Variants in HSPA12A observed in about 807,000 individuals in gnomAD.
HSPA12A encodes the protein heat shock protein family A (Hsp70) member 12A, also known as heat shock 70 kDa protein 12A.
HSPA12A carries 28 observed loss-of-function variants against 69.2 expected under a neutral mutation model. The ratio of observed to expected loss-of-function variants is 0.40; its 90% CI spans 0.30 to 0.55. The LOEUF (loss-of-function observed/expected upper bound fraction) is 0.55. HSPA12A is among the 20% of genes least tolerant of loss of function. The probability of loss-of-function intolerance (pLI) is 0.38; values close to 1 mark genes in which losing one functional copy is unlikely to be tolerated. For synonymous variants in HSPA12A, 345 were observed against 370.5 expected, an observed-to-expected ratio of 0.93 and a Z score of 0.79; for missense variants, 686 against 900.7, an observed-to-expected ratio of 0.76 and a Z score of 3.05.
intron 2 of HSPA12A, among the ~76,000 whole-genome samples, chr10:116,822,208 A>T (rs1304345611): frequency 6.6e-6 from 1 of 152,182 alleles, no homozygotes; most frequent in African/African-American, 2.4e-5. Context: ...CTCCATTACC[A>T]GTGGAGGAAG....
intron 3 of HSPA12A, 103 bp from the exon 4 acceptor site, chr10:116,701,232 G>T: frequency 1.9e-6 from 2 of 1,056,410 alleles, no homozygotes; most frequent in Non-Finnish European, 2.8e-6. Flanking sequence ...CAGTAATGTG[G>T]GTGCCCAGAG....
intron 2 of HSPA12A, among the ~76,000 whole-genome samples, chr10:116,748,627 G>A (rs1387127607): frequency 6.6e-6 from 1 of 152,168 alleles, no homozygotes; most frequent in African/African-American, 2.4e-5. Flanking sequence ...ACATGGCTGG[G>A]GAGGCTTCAC....
chr10:116,687,305 G>A (rs1172476239), intron 6 of HSPA12A, among the ~76,000 whole-genome samples: 1 of 152,198 alleles, frequency 6.6e-6, no homozygotes, highest in African/African-American at 2.4e-5. Flanking sequence ...AAGGTGAAGA[G>A]GACCCCACTC....
chr10:116,735,401 G>A (rs559391048), intron 1 of HSPA12A, among the ~76,000 whole-genome samples: 132 of 152,332 alleles, frequency 8.7e-4, no homozygotes, highest in African/African-American at 3.0e-3. Context: ...TACAGCAGAC[G>A]TGATTTTATT....
At chr10:116,816,699 T>C (rs1389031720) in intron 2 of HSPA12A, among the ~76,000 whole-genome samples, 1 of 152,210 alleles carries the variant, frequency 6.6e-6, no homozygotes, top group African/African-American at 2.4e-5. Flanking sequence ...ATGATTTTTT[T>C]AAATGGGGTT....
chr10:116,797,798 G>T (rs541333749), intron 2 of HSPA12A, among the ~76,000 whole-genome samples: 5 of 152,204 alleles, frequency 3.3e-5, no homozygotes, highest in African/African-American at 1.2e-4. Context: ...ACTTGCATTT[G>T]GCAGTGCAAC....
chr10:116,688,735 T>C (rs1849649746), intron 6 of HSPA12A, among the ~76,000 whole-genome samples: 1 of 152,228 alleles, frequency 6.6e-6, no homozygotes, highest in Admixed American at 6.5e-5. Flanking sequence ...TGCGTCTCCA[T>C]GTTAGATGAG....
In HSPA12A at chr10:116,705,249, C is replaced by T; in HGVS notation, c.156G>A (p.Gln52=). 6.2e-7 allele frequency: 1 copy of T among 1,614,166 alleles called. No individual in the cohort carries two copies. The highest frequency in any genetic ancestry group is 8.5e-7 in the Non-Finnish European group (1 of 1,180,030). ...CGGCCACCACCACGAGAAATGACTGCTGTTCTGAGACGTTGGAGTCAGTGT... is the reference window on the plus strand; with the variant it reads ...CGGCCACCACCACGAGAAATGACTGTTGTTCTGAGACGTTGGAGTCAGTGT... ...VNDTDSNVSE[Q]QSFLVVVAVD... The change falls in exon 3 of 12, where the codon CAG becomes CAA. Residue 52 remains glutamine, a synonymous_variant. Coordinates refer to ENST00000369209, the MANE Select transcript of HSPA12A (RefSeq NM_025015.3).
intron 2 of HSPA12A, among the ~76,000 whole-genome samples, chr10:116,780,928 A>G (rs939105523): frequency 2.6e-5 from 4 of 152,208 alleles, no homozygotes; most frequent in African/African-American, 9.7e-5. Flanking sequence ...GAAAATAAGG[A>G]CATAAACTTT....
At chr10:116,690,633 G>A (rs181640489) in intron 6 of HSPA12A, among the ~76,000 whole-genome samples, 166 of 152,256 alleles carry the variant, frequency 1.1e-3, no homozygotes, top group African/African-American at 3.7e-3. Flanking sequence ...AAGAGCTGCA[G>A]GCCTTTTTCT....
intron 9 of HSPA12A, 95 bp from the exon 10 acceptor site, chr10:116,679,856 C>A: frequency 7.5e-7 from 1 of 1,336,304 alleles, no homozygotes; most frequent in East Asian, 2.3e-5. Context: ...CATCTCTGAG[C>A]CACTTAGCAA....
intron 1 of HSPA12A, among the ~76,000 whole-genome samples, chr10:116,729,990 C>T (rs541809360): frequency 1.3e-5 from 2 of 152,324 alleles, no homozygotes. Context: ...GAGGCCAAAG[C>T]AGGCCAACAT....
intron 2 of HSPA12A, among the ~76,000 whole-genome samples, chr10:116,758,599 C>T (rs1167892611): frequency 3.3e-5 from 5 of 152,056 alleles, no homozygotes; most frequent in Non-Finnish European, 7.4e-5. Flanking sequence ...CAGTTAGAAT[C>T]CCTGCCTGTG....
At chr10:116,737,183 G>A (rs544273556) in intron 1 of HSPA12A, among the ~76,000 whole-genome samples, 1 of 152,224 alleles carries the variant, frequency 6.6e-6, no homozygotes, top group Non-Finnish European at 1.5e-5. Context: ...GCACAGATTT[G>A]AACCCAGGCA....
chr10:116,839,209 A>C (rs1024720961), intron 1 of HSPA12A, among the ~76,000 whole-genome samples: 11 of 152,178 alleles, frequency 7.2e-5, no homozygotes, highest in Non-Finnish European at 8.8e-5. Context: ...AAAGAAACAG[A>C]TTTTACTATT....
intron 1 of HSPA12A, among the ~76,000 whole-genome samples, chr10:116,718,156 T>C (rs1300887930): frequency 6.6e-6 from 1 of 152,160 alleles, no homozygotes; most frequent in Non-Finnish European, 1.5e-5. Flanking sequence ...CCCAATTTCA[T>C]CATGAACAGC....
chr10:116,822,952 G>A (rs774416292), intron 2 of HSPA12A, among the ~76,000 whole-genome samples: 3 of 152,188 alleles, frequency 2.0e-5, no homozygotes, highest in Non-Finnish European at 2.9e-5. Flanking sequence ...AGCAGCAGAC[G>A]ACTTAAAAAG....
intron 2 of HSPA12A, chr10:116,751,031 G>C (rs932239782): frequency 6.5e-6 from 1 of 154,908 alleles, no homozygotes; most frequent in Admixed American, 6.6e-5. Flanking sequence ...AGAAGAAGAA[G>C]AAGGAGGAGA....
intron 2 of HSPA12A, among the ~76,000 whole-genome samples, chr10:116,790,515 G>A (rs573892338): frequency 6.6e-6 from 1 of 152,042 alleles, no homozygotes; most frequent in South Asian, 2.1e-4. Flanking sequence ...CCAGCCCCAG[G>A]GCCTTTGCAC....
Sources: allele counts gnomAD v4.1 joint callset (sites outside exome capture counted in the v4.1 genomes callset), GRCh38; gene constraint gnomAD v4.1.1; transcripts MANE v1.5; gene names NCBI Gene and HGNC (gene_info 2026-07-23, HGNC 2026-07-21).